SDF4: variants seen among roughly 807,000 people sequenced by gnomAD.
SDF4 encodes 45 kDa calcium-binding protein.
Under a neutral mutation model 34.2 loss-of-function variants are expected in SDF4, and 22 were observed. That is an observed-to-expected ratio of 0.64 (90% CI 0.46 to 0.92). The LOEUF (loss-of-function observed/expected upper bound fraction) is 0.92. Ranked by LOEUF, SDF4 falls within the 40% of genes least tolerant of loss-of-function variation. The pLI is 0.00. For synonymous variants in SDF4, 236 were observed against 203.1 expected (o/e 1.16, Z -1.38); for missense variants, 447 against 499.9 (o/e 0.89, Z 1.01).
At position 1,218,504 on chromosome 1, in the gene SDF4, A is replaced by G. The variant is rs1226759740; in HGVS notation, c.845T>C (p.Leu282Pro). The change falls in exon 6 of 7, where the codon CTC (leucine) becomes CCC (proline). Residue 282 changes from leucine (L) to proline (P), a missense_variant. By Grantham distance (98) the Leu-to-Pro change is moderately conservative. Coordinates refer to ENST00000360001, the MANE Select transcript of SDF4 (RefSeq NM_016176.6). This position sits in a 1 kb window ranked among gnomAD's most constrained non-coding sequence, Gnocchi z 7.9. ...VKDRKKEFEE[L>P]IDSNHDGIVT... ...GATGCCGTCGTGGTTGGAGTCAATG[A>G]GCTCCTCAAACTCCTTTTTTCTGTC... 9.3e-6 allele frequency: 15 copies of G among 1,613,720 alleles called. No individual in the cohort carries two copies. Among genetic ancestry groups the G allele is most frequent in the Non-Finnish European group, 1.3e-5 (15 of 1,179,900 alleles).
Position 1,223,375 on chromosome 1 carries a change from A to G in SDF4, c.443-18T>C, listed in dbSNP as rs756288182. 8 of 1,524,838 alleles carry G rather than the reference A, an allele frequency of 5.2e-6. No homozygotes were observed. The Admixed American group carries it at 8.5e-5, about 16-fold the overall frequency. The allele number at this position is 1,524,838 out of a possible 1,614,324, so 94.5% of individuals were successfully genotyped here. ...CACGTGACCTGGAAGAGCAGATCAC[A>G]CCTGTCAGGGCCTCTGATACTGAGC... On this transcript the variant is annotated intron_variant, in intron 3 of 6. Coordinates refer to ENST00000360001, the MANE Select transcript of SDF4 (RefSeq NM_016176.6).
rs769584000 is a variant in SDF4 at position 1,218,823 on chromosome 1, C to T, written c.661G>A (p.Glu221Lys). Residue 221 changes from glutamate (E) to lysine (K), a missense_variant, in exon 5 of 7, where the codon GAG (glutamate) becomes AAG (lysine). Glu to Lys is a moderately conservative substitution (Grantham distance 56, BLOSUM62 1). Coordinates refer to ENST00000360001, the MANE Select transcript of SDF4 (RefSeq NM_016176.6). This position sits in a 1 kb window ranked among gnomAD's most constrained non-coding sequence, Gnocchi z 7.9. The part of the protein sequence containing the change: ...EEEFLSFLHP[E>K]HSRGMLRFMV... ...AACCTGAGCATTCCCCGGCTGTGCT[C>T]GGGGTGGAGGAACGACAGGAACTCC... is the stretch of plus-strand genomic sequence containing the variant. 5.6e-6 allele frequency: 9 copies of T among 1,605,356 alleles called. No individual in the cohort carries two copies. Among genetic ancestry groups the T allele is most frequent in the South Asian group, 1.1e-5 (1 of 90,636 alleles).
In SDF4 at chr1:1,217,860, C is replaced by T. The variant is rs757736948; in HGVS notation, c.892-172G>A. 18 of 1,480,230 alleles carry T rather than the reference C, an allele frequency of 1.2e-5. No homozygotes were observed. The highest frequency in any genetic ancestry group is 1.4e-5 in the Non-Finnish European group (16 of 1,121,406). The allele number at this position is 1,480,230 out of a possible 1,614,324, so 91.7% of individuals were successfully genotyped here. On this transcript the variant is annotated intron_variant, in intron 6 of 6. Coordinates refer to ENST00000360001, the MANE Select transcript of SDF4 (RefSeq NM_016176.6). This position sits in a 1 kb window ranked among gnomAD's most constrained non-coding sequence, Gnocchi z 8.5. ...ATGAAAACACAGGGCAGGGAGAAGC[C>T]GGGGGCCCCGGAAGGCCTGCCCGGG...
chr1:1,219,181 C>T lies in SDF4; in HGVS notation c.557-254G>A, dbSNP rs183275456. 369 of 1,335,820 alleles carry T rather than the reference C, an allele frequency of 2.8e-4. 8 individuals are homozygous for T. In the Admixed American group the frequency reaches 8.5e-3, roughly 31 times the overall value. The allele number at this position is 1,335,820 out of a possible 1,614,324, so 82.7% of individuals were successfully genotyped here. On this transcript the variant is annotated intron_variant, in intron 4 of 6. Coordinates refer to ENST00000360001, the MANE Select transcript of SDF4 (RefSeq NM_016176.6). The stretch of plus-strand genomic sequence containing the variant: ...ATAGCTTGGACCCCTCCACACAGCC[C>T]GGACTCCCCAAGACAGCCTGGACCC...
At position 1,219,797 on chromosome 1, in the gene SDF4, C is replaced by T. The variant is rs1649807021; in HGVS notation, c.557-870G>A. ...TGGCCAAGTCCAGTGTTGAGGCCCA[C>T]ACTCAGCCCCCTGCACGTGAGGCCC... On this transcript the variant is annotated intron_variant, in intron 4 of 6. Coordinates refer to ENST00000360001, the MANE Select transcript of SDF4 (RefSeq NM_016176.6). 6.1e-6 allele frequency: 6 copies of T among 985,806 alleles called. No individual in the cohort carries two copies. The African/African-American group carries it at 8.7e-5, about 14-fold the overall frequency. The allele number at this position is 985,806 out of a possible 1,614,324, so 61.1% of individuals were successfully genotyped here.
Position 1,228,949 on chromosome 1 carries a change from G to A in SDF4, c.-174-3C>T. On this transcript the variant is annotated splice_polypyrimidine_tract_variant and splice_region_variant and intron_variant, in intron 1 of 6. Transcript: ENST00000360001. ...GATGGGGACAAGCAGCTCACAGTCT[G>A]CAGAGAGACACAGACACATCATTAG... 1 of 607,322 alleles carries A rather than the reference G, an allele frequency of 1.6e-6. No individual in the cohort carries two copies. The highest frequency in any genetic ancestry group is 2.9e-6 in the Non-Finnish European group (1 of 343,798). The allele number at this position is 607,322 out of a possible 1,614,324, so 37.6% of individuals were successfully genotyped here. A position where few individuals can be genotyped will look rare whatever the true frequency, so the allele number is the denominator to read the frequency against.
intron 2 of SDF4, among the ~76,000 whole-genome samples, chr1:1,224,778 G>A (rs1195435606): frequency 6.6e-6 from 1 of 152,190 alleles, no homozygotes; most frequent in African/African-American, 2.4e-5. Flanking sequence ...GCCAGGCGCG[G>A]TGGCGTGCAC....
intron 4 of SDF4, 29 bp downstream of exon 4, chr1:1,223,215 C>T (rs977517703): frequency 2.6e-5 from 39 of 1,487,006 alleles, no homozygotes; most frequent in Admixed American, 1.7e-4. Context: ...TGCCTGAGAC[C>T]GGTGGCGGGA....
chr1:1,222,960 G>A (rs1048412666), intron 4 of SDF4, among the ~76,000 whole-genome samples: 2 of 151,826 alleles, frequency 1.3e-5, no homozygotes, highest in African/African-American at 2.4e-5. Flanking sequence ...TCGTACACAC[G>A]ACACGCACAC....
chr1:1,229,073 C>G, intron 1 of SDF4, 127 bp from the exon 2 acceptor site: 1 of 412,920 alleles, frequency 2.4e-6, no homozygotes, highest in Non-Finnish European at 4.2e-6. Context: ...CTTCTCCAGA[C>G]CACACGTGGC....
At chr1:1,225,730 ACGGGC>A (rs1638284513) in intron 2 of SDF4, among the ~76,000 whole-genome samples, 1 of 119,702 alleles carries the variant, frequency 8.4e-6, no homozygotes, top group African/African-American at 3.5e-5. Context: ...CGCCACAGAC[ACGGGC>A]CACACACTCC....
At chr1:1,230,832 G>A (rs1423906817) in intron 1 of SDF4, among the ~76,000 whole-genome samples, 2 of 152,158 alleles carry the variant, frequency 1.3e-5, no homozygotes, top group Non-Finnish European at 2.9e-5. Context: ...GTCCCAGATC[G>A]CCTGACCAGG....
intron 4 of SDF4, chr1:1,220,057 T>A (rs925774065): frequency 1.0e-6 from 1 of 986,098 alleles, no homozygotes; most frequent in South Asian, 4.7e-5. Flanking sequence ...CTGAGACCCA[T>A]CCAGGAGAGG....
Position 1,223,377 on chromosome 1 carries a change from C to G in SDF4, c.443-20G>C. The G allele has an allele frequency of 1.3e-6, 2 of 1,506,246 alleles. No homozygotes were observed. The highest frequency in any genetic ancestry group is 1.8e-6 in the Non-Finnish European group (2 of 1,088,864). 93.3% of individuals were successfully genotyped at this position (1,506,246 alleles called of 1,614,324 possible). Reference sequence around the variant, plus strand: ...CGTGACCTGGAAGAGCAGATCACACCTGTCAGGGCCTCTGATACTGAGCTG... The same window carrying G: ...CGTGACCTGGAAGAGCAGATCACACGTGTCAGGGCCTCTGATACTGAGCTG... On this transcript the variant is annotated intron_variant, in intron 3 of 6. Coordinates refer to ENST00000360001, the MANE Select transcript of SDF4 (RefSeq NM_016176.6).
chr1:1,227,340 G>C (rs1638343783), intron 2 of SDF4: 1 of 119,328 alleles, frequency 8.4e-6, no homozygotes, highest in African/African-American at 3.5e-5. Context: ...GCGAGCTCGT[G>C]GCCAGGCCCG....
chr1:1,226,503 G>A (rs900181505), intron 2 of SDF4, among the ~76,000 whole-genome samples: 1 of 152,222 alleles, frequency 6.6e-6, no homozygotes. Context: ...ACAAAAACGG[G>A]AGAGTCTGAG....
intron 1 of SDF4, among the ~76,000 whole-genome samples, 173 bp downstream of exon 1, chr1:1,231,710 CCCCCGGGAA>C (rs57672822): frequency 0.15 from 23,292 of 152,154 alleles, 2,194 homozygotes; most frequent in African/African-American, 0.27. Context: ...CCTGTCCCTG[CCCCCGGGAA>C]CCCCGGGAGC....
At chr1:1,229,249 G>A (rs919129554) in intron 1 of SDF4, among the ~76,000 whole-genome samples, 17 of 152,164 alleles carry the variant, frequency 1.1e-4, no homozygotes, top group African/African-American at 3.1e-4. Context: ...GGAGTACAGC[G>A]GTGACCACAG....
At chr1:1,225,952 G>A (rs1364625310) in intron 2 of SDF4, among the ~76,000 whole-genome samples, 6 of 152,226 alleles carry the variant, frequency 3.9e-5, no homozygotes, top group Admixed American at 6.5e-5. Flanking sequence ...GAGCTGGCAC[G>A]CACACACGCA....
Sources: allele counts gnomAD v4.1 joint callset (sites outside exome capture counted in the v4.1 genomes callset), GRCh38; gene constraint gnomAD v4.1.1; non-coding constraint Gnocchi (gnomAD v3.1); transcripts MANE v1.5; gene names NCBI Gene and HGNC (gene_info 2026-07-23, HGNC 2026-07-21).